IL12RB2: variants seen among roughly 807,000 people sequenced by gnomAD.
IL12RB2 encodes the protein interleukin-12 receptor subunit beta-2.
In IL12RB2, 82 loss-of-function variants were observed where a neutral mutation model predicts 89.4. That is an observed-to-expected ratio of 0.92 (90% CI 0.77 to 1.10). IL12RB2 has a LOEUF of 1.10. IL12RB2 is among the 50% of genes least tolerant of loss of function. The pLI is 0.00. For synonymous variants in IL12RB2, 368 were observed against 370.1 expected (o/e 0.99, Z 0.07); for missense variants, 963 against 1,031.9 (o/e 0.93, Z 0.92).
Position 67,396,212 on chromosome 1 carries a change from G to C in IL12RB2, c.*123G>C, listed in dbSNP as rs1362836860. 4 of 779,762 alleles carry C rather than the reference G, an allele frequency of 5.1e-6. No individual in the cohort carries two copies. Among genetic ancestry groups the C allele is most frequent in the Non-Finnish European group, 9.2e-6 (4 of 433,402 alleles). 48.3% of individuals were successfully genotyped at this position (779,762 alleles called of 1,614,324 possible). Reference sequence around the variant, plus strand: ...GCCACCATCGGTCTGGCTGCAGCTAGAGGACAGGCAAGCCAGCTCTGGGGG... The same window carrying C: ...GCCACCATCGGTCTGGCTGCAGCTACAGGACAGGCAAGCCAGCTCTGGGGG... On this transcript the variant is annotated 3_prime_UTR_variant, in exon 17 of 17. Transcript: ENST00000674203.
intron 9 of IL12RB2, among the ~76,000 whole-genome samples, chr1:67,338,961 C>G (rs1360864851): frequency 6.6e-6 from 1 of 152,190 alleles, no homozygotes; most frequent in East Asian, 1.9e-4. Flanking sequence ...TTTCCACCCT[C>G]TGACCCCAAC....
chr1:67,380,492 G>A (rs993759500), intron 14 of IL12RB2, among the ~76,000 whole-genome samples: 2 of 152,140 alleles, frequency 1.3e-5, no homozygotes, highest in African/African-American at 2.4e-5. Context: ...CACAGTACTC[G>A]CTTACTAAGT....
chr1:67,378,104 G>A (rs999169012), intron 13 of IL12RB2, among the ~76,000 whole-genome samples: 2 of 148,938 alleles, frequency 1.3e-5, no homozygotes, highest in Non-Finnish European at 3.0e-5. Context: ...GTGACAGAGT[G>A]AGACTCCATC....
intron 9 of IL12RB2, among the ~76,000 whole-genome samples, chr1:67,348,808 A>G (rs1175232105): frequency 1.3e-5 from 2 of 152,144 alleles, no homozygotes; most frequent in Admixed American, 6.5e-5. Context: ...TTGTTTTTCA[A>G]TTTGATTAAG....
In IL12RB2 at chr1:67,338,409, T is replaced by TA. The variant is rs761021186; in HGVS notation, c.959-212dup. On this transcript the variant is annotated intron_variant, in intron 8 of 16. Transcript: ENST00000674203. ...AAACAAATTCCTCATCATTTTTTTT[T>TA]AAATTTGTTTTTAAGGTAACCTTGT... Among the ~76,000 whole-genome samples, 37 of 150,668 alleles carry TA rather than the reference T, an allele frequency of 2.5e-4. No individual in the cohort carries two copies. The East Asian group carries it at 2.5e-3, about 10-fold the overall frequency.
chr1:67,343,631 C>G (rs1008158520), intron 9 of IL12RB2, among the ~76,000 whole-genome samples: 13 of 151,966 alleles, frequency 8.6e-5, no homozygotes, highest in African/African-American at 2.9e-4. Context: ...GTATTCTTTC[C>G]TTAATTAAGT....
At chr1:67,359,561 A>C (rs1457264275) in intron 10 of IL12RB2, among the ~76,000 whole-genome samples, 3 of 152,092 alleles carry the variant, frequency 2.0e-5, no homozygotes, top group African/African-American at 7.2e-5. Flanking sequence ...GTCTCTACTA[A>C]ATATACAAAA....
intron 13 of IL12RB2, among the ~76,000 whole-genome samples, chr1:67,376,703 C>CCTGT (rs146708349): frequency 3.3e-5 from 5 of 150,790 alleles, no homozygotes; most frequent in Admixed American, 3.3e-4. Context: ...AATATGTGTG[C>CCTGT]GTGTGTGTGT....
chr1:67,338,300 G>A (rs1402523012), intron 8 of IL12RB2, among the ~76,000 whole-genome samples: 1 of 119,896 alleles, frequency 8.3e-6, no homozygotes, highest in African/African-American at 3.1e-5. Context: ...CTGCATCACT[G>A]CATTCCAGCC....
At chr1:67,367,023 A>G (rs1192420523) in intron 10 of IL12RB2, among the ~76,000 whole-genome samples, 1 of 152,230 alleles carries the variant, frequency 6.6e-6, no homozygotes, top group Non-Finnish European at 1.5e-5. Context: ...TTGTCTAAAC[A>G]AATATATGAA....
intron 10 of IL12RB2, among the ~76,000 whole-genome samples, chr1:67,362,909 G>T (rs574797092): frequency 2.0e-5 from 3 of 146,532 alleles, no homozygotes; most frequent in Non-Finnish European, 3.0e-5. Flanking sequence ...TTAATTACTC[G>T]TTTTTTTTTT....
At chr1:67,355,422 GAA>G (rs1171395256) in intron 10 of IL12RB2, among the ~76,000 whole-genome samples, 7 of 93,712 alleles carry the variant, frequency 7.5e-5, no homozygotes, top group East Asian at 3.7e-4. Flanking sequence ...GTCTCAAAAA[GAA>G]AAAAAAAAAA....
At chr1:67,358,531 G>T (rs1336016803) in intron 10 of IL12RB2, among the ~76,000 whole-genome samples, 2 of 151,914 alleles carry the variant, frequency 1.3e-5, no homozygotes, top group African/African-American at 4.8e-5. Flanking sequence ...AGCCAAGATT[G>T]TGCCACTGCA....
At chr1:67,376,086 T>A (rs969422640) in intron 13 of IL12RB2, among the ~76,000 whole-genome samples, 2 of 152,094 alleles carry the variant, frequency 1.3e-5, no homozygotes, top group African/African-American at 4.8e-5. Context: ...GACCTCGTGA[T>A]CTGCCCATCT....
chr1:67,376,082 G>A (rs548965480), intron 13 of IL12RB2, among the ~76,000 whole-genome samples: 3 of 152,076 alleles, frequency 2.0e-5, no homozygotes, highest in South Asian at 4.2e-4. Flanking sequence ...TCCTGACCTC[G>A]TGATCTGCCC....
chr1:67,328,328 T>C lies in IL12RB2; in HGVS notation c.608T>C (p.Val203Ala). ...AATTTCACAGCCAAGGTTACTGCTG[T>C]CAATAGTCTTGGAAGCTCCTCTTCA... is the stretch of plus-strand genomic sequence containing the variant. ...ESNFTAKVTA[V>A]NSLGSSSSLP... The change falls in exon 6 of 17, where the codon GTC becomes GCC. Residue 203 changes from valine to alanine, a missense_variant. Coordinates refer to ENST00000674203, the MANE Select transcript of IL12RB2 (RefSeq NM_001374259.2). 1 of 1,614,210 alleles carries C rather than the reference T, an allele frequency of 6.2e-7. No homozygotes were observed. The highest frequency in any genetic ancestry group is 8.5e-7 in the Non-Finnish European group (1 of 1,180,028).
intron 5 of IL12RB2, among the ~76,000 whole-genome samples, chr1:67,327,668 A>T (rs1039003103): frequency 6.6e-6 from 1 of 152,252 alleles, no homozygotes; most frequent in Non-Finnish European, 1.5e-5. Flanking sequence ...TCATGATCCC[A>T]TTAAAGATCC....
At chr1:67,387,782 A>G (rs2100252575) in intron 15 of IL12RB2, among the ~76,000 whole-genome samples, 1 of 152,290 alleles carries the variant, frequency 6.6e-6, no homozygotes, top group Middle Eastern at 3.4e-3. Context: ...CTGCCAAACA[A>G]TACGTACTTT....
rs574026187 is a variant in IL12RB2, at chr1:67,398,210, G to A, written c.*2121G>A. Among the ~76,000 whole-genome samples the A allele has an allele frequency of 3.0e-4, 46 of 152,016 alleles. No individual in the cohort carries two copies. Among genetic ancestry groups the A allele is most frequent in the East Asian group, 1.9e-3 (10 of 5,178 alleles). On this transcript the variant is annotated 3_prime_UTR_variant, in exon 17 of 17. Transcript: ENST00000674203. ...GACATGCCCTTGACTGGCACAAACC[G>A]TGACAGACATGCCCTTGACTGGCAC...
Sources: allele counts gnomAD v4.1 joint callset (sites outside exome capture counted in the v4.1 genomes callset), GRCh38; gene constraint gnomAD v4.1.1; transcripts MANE v1.5; gene names NCBI Gene and HGNC (gene_info 2026-07-23, HGNC 2026-07-21).